PAX5: variants seen among roughly 807,000 people sequenced by gnomAD.
The protein encoded by PAX5 is paired box 5.
Under a neutral mutation model 43.7 loss-of-function variants are expected in PAX5, and 9 were observed. The ratio of observed to expected loss-of-function variants is 0.21; its 90% confidence interval spans 0.12 to 0.36. The LOEUF (loss-of-function observed/expected upper bound fraction) is 0.36. Ranked by LOEUF, PAX5 falls within the 10% of genes least tolerant of loss-of-function variation. The pLI, the probability that PAX5 is intolerant of heterozygous loss-of-function variation, is 1.00. For synonymous variants in PAX5, 228 were observed against 214.3 expected (o/e 1.06, Z -0.56); for missense variants, 383 against 532.7 (o/e 0.72, Z 2.77).
chr9:36,892,350 A>G (rs562034086), intron 7 of PAX5, among the ~76,000 whole-genome samples: 2 of 152,372 alleles, frequency 1.3e-5, no homozygotes, highest in South Asian at 2.1e-4. Flanking sequence ...TGCAAAGATG[A>G]TAACAGTAAC....
At chr9:36,849,747 G>T (rs940623257) in intron 8 of PAX5, among the ~76,000 whole-genome samples, 2 of 152,230 alleles carry the variant, frequency 1.3e-5, no homozygotes, top group Non-Finnish European at 2.9e-5. Context: ...TGGCTTGCCT[G>T]GTGTGCTAAG....
chr9:36,932,137 TA>T (rs951893422), intron 6 of PAX5, among the ~76,000 whole-genome samples: 2 of 152,006 alleles, frequency 1.3e-5, no homozygotes, highest in African/African-American at 4.8e-5. Context: ...TAGCTAAGCA[TA>T]GTGGCATGCC....
At chr9:36,969,634 C>T (rs7858955) in intron 5 of PAX5, among the ~76,000 whole-genome samples, 25,173 of 152,270 alleles carry the variant, frequency 0.17, 2,638 homozygotes, top group African/African-American at 0.29. Context: ...AGACTGGCTG[C>T]GTCCTGCTCT....
intron 6 of PAX5, among the ~76,000 whole-genome samples, chr9:36,927,391 T>C (rs930751466): frequency 6.6e-6 from 1 of 152,222 alleles, no homozygotes; most frequent in African/African-American, 2.4e-5. Flanking sequence ...CAGGGATATA[T>C]CCTGCCCCTT....
At chr9:37,016,147 T>C (rs936574759) in intron 2 of PAX5, among the ~76,000 whole-genome samples, 1 of 152,230 alleles carries the variant, frequency 6.6e-6, no homozygotes, top group Admixed American at 6.5e-5. Flanking sequence ...ATGGGCAAGC[T>C]AGGGCTGTTG....
rs1821616369 is a variant in PAX5 at position 36,835,980 on chromosome 9, T to C, written c.*4580A>G. Reference sequence around the variant, plus strand: ...TGTTTCTAGGGCTGTGTCAGGGTGCTTGGTTGGTTTTTAAGATTTGCTTCC... The same window carrying C: ...TGTTTCTAGGGCTGTGTCAGGGTGCCTGGTTGGTTTTTAAGATTTGCTTCC... On this transcript the variant is annotated 3_prime_UTR_variant, in exon 10 of 10. Transcript: ENST00000358127. The C allele has an allele frequency of 8.6e-6, 2 of 233,292 alleles. No individual in the cohort carries two copies. The highest frequency in any genetic ancestry group is 2.2e-5 in the African/African-American group (1 of 45,352). 14.5% of individuals were successfully genotyped at this position (233,292 alleles called of 1,614,324 possible).
At chr9:36,981,185 G>GT in intron 5 of PAX5, among the ~76,000 whole-genome samples, 1 of 106,494 alleles carries the variant, frequency 9.4e-6, no homozygotes, top group East Asian at 3.3e-4. Context: ...AAACAGCAAA[G>GT]CCCCCCCCCC....
intron 2 of PAX5, among the ~76,000 whole-genome samples, chr9:37,017,234 C>T (rs188785735): frequency 7.9e-5 from 12 of 152,238 alleles, no homozygotes; most frequent in African/African-American, 2.6e-4. Flanking sequence ...AGCTCTTCCT[C>T]GAATTATCTT....
At chr9:36,975,441 A>C (rs1270545682) in intron 5 of PAX5, among the ~76,000 whole-genome samples, 1 of 150,184 alleles carries the variant, frequency 6.7e-6, no homozygotes, top group African/African-American at 2.5e-5. Context: ...GCTGGAGTGC[A>C]GTGGTGTGAT....
At chr9:36,941,645 C>T (rs1444954311) in intron 6 of PAX5, among the ~76,000 whole-genome samples, 2 of 152,206 alleles carry the variant, frequency 1.3e-5, no homozygotes, top group East Asian at 1.9e-4. Context: ...CAGACTCCCC[C>T]TCTTTGCCTG....
chr9:36,881,938 G>A, intron 8 of PAX5, 66 bp downstream of exon 8: 2 of 1,183,162 alleles, frequency 1.7e-6, no homozygotes, highest in Non-Finnish European at 2.5e-6. Flanking sequence ...CTGTTTGGGG[G>A]GGGATGTCCC....
At chr9:36,946,389 C>T (rs181793945) in intron 6 of PAX5, among the ~76,000 whole-genome samples, 8 of 152,272 alleles carry the variant, frequency 5.3e-5, no homozygotes, top group Admixed American at 3.9e-4. Context: ...TCAAGAGAAA[C>T]CCGAGCAGCT....
chr9:36,936,907 G>A (rs554692775), intron 6 of PAX5, among the ~76,000 whole-genome samples: 16 of 151,696 alleles, frequency 1.1e-4, no homozygotes, highest in Middle Eastern at 6.8e-3. Context: ...CTGCCCTTCC[G>A]CTCCCTGTCA....
rs1376784353 is a variant in PAX5, at chr9:36,984,232, G to A, written c.605-17508C>T. Among the ~76,000 whole-genome samples, 2 of 152,064 alleles carry A rather than the reference G, an allele frequency of 1.3e-5. 1 individual carries two copies. Among genetic ancestry groups the A allele is most frequent in the South Asian group, 4.2e-4 (2 of 4,818 alleles). On this transcript the variant is annotated intron_variant, in intron 5 of 9. Coordinates refer to ENST00000358127, the MANE Select transcript of PAX5 (RefSeq NM_016734.3). ...TGCCCTGAAAACATGCAGAATGCACGTTGGAGCTCCAAGAGCAAGGCAGGT... is the reference window on the plus strand; with the variant it reads ...TGCCCTGAAAACATGCAGAATGCACATTGGAGCTCCAAGAGCAAGGCAGGT...
chr9:36,965,063 A>C (rs1834299917), intron 6 of PAX5, among the ~76,000 whole-genome samples: 1 of 149,620 alleles, frequency 6.7e-6, no homozygotes, highest in African/African-American at 2.5e-5. Flanking sequence ...CCACCCCCAC[A>C]CCCCTTCTCC....
Position 36,962,835 on chromosome 9 carries a change from G to A in PAX5, c.780+3714C>T, listed in dbSNP as rs528138412. On this transcript the variant is annotated intron_variant, in intron 6 of 9. Coordinates refer to ENST00000358127, the MANE Select transcript of PAX5 (RefSeq NM_016734.3). ...CACACTGAGACAGCTCAATCTGCTC[G>A]AAAATGGAAGAGGCAGCCAGCCTCC... 5.9e-5 allele frequency among the ~76,000 whole-genome samples: 9 copies of A among 152,246 alleles called. No individual in the cohort carries two copies. The South Asian group carries it at 6.2e-4, about 11-fold the overall frequency.
chr9:37,018,137 T>C (rs1001401816), intron 2 of PAX5, among the ~76,000 whole-genome samples: 1 of 152,198 alleles, frequency 6.6e-6, no homozygotes, highest in Admixed American at 6.5e-5. Context: ...CTGCTTGTTT[T>C]GTGGGGCTGT....
At chr9:36,866,822 G>A (rs1824932903) in intron 8 of PAX5, among the ~76,000 whole-genome samples, 1 of 152,062 alleles carries the variant, frequency 6.6e-6, no homozygotes, top group South Asian at 2.1e-4. Context: ...GTCCATCAGT[G>A]ATGGACGGAA....
intron 7 of PAX5, among the ~76,000 whole-genome samples, chr9:36,915,632 CT>C (rs59845316): frequency 0.017 from 2,512 of 151,456 alleles, 74 homozygotes; most frequent in African/African-American, 0.058. Flanking sequence ...GTCTTCTACA[CT>C]TTTTTTTTCA....
Sources: gnomAD v4.1 joint callset for allele counts (sites outside exome capture counted in the v4.1 genomes callset) on GRCh38, gnomAD v4.1.1 for gene constraint, MANE v1.5 for transcripts, NCBI Gene and HGNC (gene_info 2026-07-23, HGNC 2026-07-21) for gene names.